TRAPPC9: variants seen among roughly 807,000 people sequenced by gnomAD.
The protein encoded by TRAPPC9 is trafficking protein particle complex subunit 9, also known as IKK2 binding protein.
TRAPPC9 carries 83 observed loss-of-function variants against 124.0 expected under a neutral mutation model. The observed-to-expected ratio is 0.67, with a 90% CI of 0.56 to 0.80. TRAPPC9 has a LOEUF of 0.80. Among genes scored for constraint, TRAPPC9 ranks in the 30% least tolerant of loss-of-function variants. The probability of loss-of-function intolerance (pLI) is 0.00; values close to 1 mark genes in which losing one functional copy is unlikely to be tolerated. For synonymous variants in TRAPPC9, 638 were observed against 617.5 expected (o/e 1.03, Z -0.49); for missense variants, 1,302 against 1,508.3 (o/e 0.86, Z 2.27).
intron 21 of TRAPPC9, among the ~76,000 whole-genome samples, chr8:139,830,255 G>GCACACACATGCATA (rs1479459251): frequency 2.8e-5 from 4 of 144,506 alleles, no homozygotes; most frequent in Non-Finnish European, 4.6e-5. Context: ...CACTACACAT[G>GCACACACATGCATA]CACACACATG....
intron 17 of TRAPPC9, among the ~76,000 whole-genome samples, chr8:140,213,014 A>G (rs1261657394): frequency 6.6e-6 from 1 of 151,690 alleles, no homozygotes; most frequent in East Asian, 1.9e-4. Flanking sequence ...GGTAGCAGTG[A>G]GCCAAGATCG....
intron 21 of TRAPPC9, among the ~76,000 whole-genome samples, chr8:139,803,267 C>A (rs1823686861): frequency 6.6e-6 from 1 of 152,208 alleles, no homozygotes; most frequent in Non-Finnish European, 1.5e-5. Context: ...AGGCTCTCAT[C>A]AGGCTCACAG....
intron 17 of TRAPPC9, among the ~76,000 whole-genome samples, chr8:140,219,694 C>T (rs1183121444): frequency 6.6e-6 from 1 of 152,174 alleles, no homozygotes; most frequent in Non-Finnish European, 1.5e-5. Flanking sequence ...CGCTGCAAAC[C>T]CTGCTGTCTC....
chr8:140,212,762 GT>G (rs1009268128), intron 17 of TRAPPC9, among the ~76,000 whole-genome samples: 1 of 151,764 alleles, frequency 6.6e-6, no homozygotes, highest in African/African-American at 2.4e-5. Flanking sequence ...ATGGGAAGGC[GT>G]TTTTTTTCTT....
chr8:140,074,979 C>A (rs990747182), intron 17 of TRAPPC9, among the ~76,000 whole-genome samples: 2 of 152,050 alleles, frequency 1.3e-5, no homozygotes, highest in African/African-American at 4.8e-5. Flanking sequence ...GGACTGGAAC[C>A]CAGAAAAGAG....
intron 9 of TRAPPC9, among the ~76,000 whole-genome samples, chr8:140,342,058 A>G (rs1457007483): frequency 2.6e-5 from 4 of 152,236 alleles, no homozygotes; most frequent in African/African-American, 9.6e-5. Flanking sequence ...GAGGTCCCTC[A>G]GGATGAGTTG....
chr8:139,809,480 C>T (rs530484466), intron 21 of TRAPPC9, among the ~76,000 whole-genome samples: 25 of 152,344 alleles, frequency 1.6e-4, no homozygotes, highest in East Asian at 1.3e-3. Context: ...AGTGTGGATA[C>T]GACAGCCGGG....
chr8:139,781,052 A>T (rs1490305212), intron 21 of TRAPPC9, among the ~76,000 whole-genome samples: 1 of 152,206 alleles, frequency 6.6e-6, no homozygotes, highest in Non-Finnish European at 1.5e-5. Flanking sequence ...GAACTCAGTC[A>T]TTGCTGATGG....
In TRAPPC9 at chr8:140,431,179, G is replaced by A. The variant is rs192285624; in HGVS notation, c.859+3933C>T. 1.8e-3 allele frequency among the ~76,000 whole-genome samples: 275 copies of A among 151,910 alleles called. 2 individuals are homozygous for A. Among genetic ancestry groups the A allele is most frequent in the African/African-American group, 5.9e-3 (245 of 41,452 alleles). On this transcript the variant is annotated intron_variant, in intron 4 of 22. Coordinates refer to ENST00000438773, the MANE Select transcript of TRAPPC9 (RefSeq NM_001160372.4). Reference sequence around the variant, plus strand: ...ATAAGAACTACTGACCCTCCTCGCCGGGCGCGGTGGCTCACGCCTGTAATC... The same window carrying A: ...ATAAGAACTACTGACCCTCCTCGCCAGGCGCGGTGGCTCACGCCTGTAATC...
chr8:140,290,689 C>T (rs112315041), intron 12 of TRAPPC9, among the ~76,000 whole-genome samples: 2 of 152,292 alleles, frequency 1.3e-5, no homozygotes, highest in African/African-American at 4.8e-5. Context: ...GACTTTGCAA[C>T]CTCAACACAT....
chr8:140,376,829 A>G (rs2068454168), intron 7 of TRAPPC9, among the ~76,000 whole-genome samples: 1 of 150,300 alleles, frequency 6.7e-6, no homozygotes, highest in Non-Finnish European at 1.5e-5. Context: ...GTGAACCGAG[A>G]TCGCGCCACT....
intron 16 of TRAPPC9, among the ~76,000 whole-genome samples, chr8:140,225,646 A>G (rs1186629742): frequency 3.3e-5 from 5 of 152,218 alleles, no homozygotes; most frequent in Non-Finnish European, 5.9e-5. Flanking sequence ...TACCCCAGGA[A>G]CCAGGTCAAG....
intron 4 of TRAPPC9, among the ~76,000 whole-genome samples, chr8:140,430,397 A>G (rs1002803620): frequency 6.6e-6 from 1 of 151,350 alleles, no homozygotes; most frequent in Non-Finnish European, 1.5e-5. Flanking sequence ...TTCCTCCCCC[A>G]CCCAAGTGGA....
In TRAPPC9 at chr8:140,283,870, T is replaced by C. The variant is rs1302712161; in HGVS notation, c.2114+19A>G. On this transcript the variant is annotated intron_variant, in intron 14 of 22. Coordinates refer to ENST00000438773, the MANE Select transcript of TRAPPC9 (RefSeq NM_001160372.4). ...GATGCCTCAGAGCCACTCTGCTCTG[T>C]GACCCTCGTGCACACTACCTGGGCA... 9.3e-6 allele frequency: 15 copies of C among 1,613,462 alleles called. No homozygotes were observed. The highest frequency in any genetic ancestry group is 1.6e-4 in the Middle Eastern group (1 of 6,076).
chr8:140,301,637 A>G lies in TRAPPC9; in HGVS notation c.1623-1023T>C, dbSNP rs552137077. ...AAGGACAAGGAGCAGAGGTGGGAAA[A>G]CAGGAAGACTGATAGTGACACTGAT... On this transcript the variant is annotated intron_variant, in intron 10 of 22. Transcript: ENST00000438773. Among the ~76,000 whole-genome samples, 9 of 152,312 alleles carry G rather than the reference A, an allele frequency of 5.9e-5. No individual in the cohort carries two copies. The South Asian group carries it at 1.9e-3, about 32-fold the overall frequency.
intron 21 of TRAPPC9, among the ~76,000 whole-genome samples, chr8:139,828,716 C>T (rs56354302): frequency 0.1 from 15,639 of 152,222 alleles, 843 homozygotes; most frequent in South Asian, 0.13. Context: ...TGATCACCAG[C>T]GAGCAACTTG....
intron 5 of TRAPPC9, among the ~76,000 whole-genome samples, chr8:140,406,063 G>A (rs957656252): frequency 2.6e-5 from 4 of 151,942 alleles, no homozygotes; most frequent in South Asian, 2.1e-4. Flanking sequence ...AAACCACCCC[G>A]CATCCTCAAA....
intron 21 of TRAPPC9, among the ~76,000 whole-genome samples, chr8:139,795,675 G>A (rs774701238): frequency 6.3e-4 from 96 of 152,086 alleles, no homozygotes; most frequent in Non-Finnish European, 4.9e-4. Flanking sequence ...AAGATAATCC[G>A]CAAACTAACC....
In TRAPPC9 at chr8:140,419,255, C is replaced by T. The variant is rs929721675; in HGVS notation, c.886+7360G>A. On this transcript the variant is annotated intron_variant, in intron 5 of 22. Transcript: ENST00000438773. ...CATCCTGGCTAACACGGTGAAACCC[C>T]GTCTCTACTGAAAATACAAAAAAAT... Among the ~76,000 whole-genome samples, 5 of 151,762 alleles carry T rather than the reference C, an allele frequency of 3.3e-5. No individual in the cohort carries two copies. In the East Asian group the frequency reaches 7.8e-4, roughly 24 times the overall value.
Sources: gnomAD v4.1 joint callset for allele counts (sites outside exome capture counted in the v4.1 genomes callset) on GRCh38, gnomAD v4.1.1 for gene constraint, MANE v1.5 for transcripts, NCBI Gene and HGNC (gene_info 2026-07-23, HGNC 2026-07-21) for gene names.